Variants in KEAP1 observed in about 807,000 individuals in gnomAD.
KEAP1 encodes kelch like ECH associated protein 1, also known as kelch-like ECH-associated protein 1.
Under a neutral mutation model 59.7 loss-of-function variants are expected in KEAP1, and 26 were observed. The observed-to-expected ratio is 0.44, with a 90% CI of 0.32 to 0.60. The LOEUF is 0.60. Among genes scored for constraint, KEAP1 ranks in the 20% least tolerant of loss-of-function variants. KEAP1 has a pLI of 0.06. For missense variants in KEAP1, 539 were observed against 871.4 expected (o/e 0.62, Z 4.80); for synonymous variants, 350 against 358.3 (o/e 0.98, Z 0.26).
Position 10,499,680 on chromosome 19 carries a change from C to A in KEAP1, c.354G>T (p.Gln118His), listed in dbSNP as rs1321807596. Residue 118 changes from glutamine to histidine, a missense_variant, in exon 2 of 6, where the codon CAG becomes CAT. Physicochemically the swap from Gln to His is conservative, Grantham distance 24 (BLOSUM62 0). This residue lies in a region of KEAP1 where 166 missense variants were observed against 295.8 expected (regional missense o/e 0.56). Coordinates refer to ENST00000171111, the MANE Select transcript of KEAP1 (RefSeq NM_203500.2). This position sits in a 1 kb window ranked among gnomAD's most constrained non-coding sequence, Gnocchi z 6.7. ...KAMFTNGLRE[Q>H]GMEVVSIEGI... is the part of the protein sequence containing the mutation. ...CCTCAATGGACACCACCTCCATGCC[C>A]TGCTCCCGCAGCCCGTTGGTGAACA... The A allele has an allele frequency of 6.2e-7, 1 of 1,614,202 alleles. No individual in the cohort carries two copies. Among genetic ancestry groups the A allele is most frequent in the Non-Finnish European group, 8.5e-7 (1 of 1,180,040 alleles).
At position 10,491,437 on chromosome 19, in the gene KEAP1, G is replaced by A; in HGVS notation, c.1325+140C>T. The A allele has an allele frequency of 1.6e-6, 1 of 640,104 alleles. No individual in the cohort carries two copies. The highest frequency in any genetic ancestry group is 3.4e-5 in the South Asian group (1 of 29,308). 39.7% of individuals were successfully genotyped at this position (640,104 alleles called of 1,614,324 possible). A position where few individuals can be genotyped will look rare whatever the true frequency, so the allele number is the denominator to read the frequency against. On this transcript the variant is annotated intron_variant, in intron 3 of 5. Transcript: ENST00000171111. This position sits in a 1 kb window ranked among gnomAD's most constrained non-coding sequence, Gnocchi z 5.2. ...AGGTCACTGACTAGAACTCTCCAAGGAGCTTAGCTTCATCCTGAGGCCTCC... is the reference window on the plus strand; with the variant it reads ...AGGTCACTGACTAGAACTCTCCAAGAAGCTTAGCTTCATCCTGAGGCCTCC...
intron 5 of KEAP1, 62 bp from the exon 6 acceptor site, chr19:10,486,880 G>C (rs966547122): frequency 1.3e-6 from 2 of 1,532,984 alleles, no homozygotes; most frequent in Non-Finnish European, 1.8e-6. Context: ...GCAGGGGACA[G>C]AAAGAGAGAG....
chr19:10,496,778 G>A (rs1010215163), intron 2 of KEAP1, among the ~76,000 whole-genome samples: 26 of 151,886 alleles, frequency 1.7e-4, no homozygotes, highest in African/African-American at 6.3e-4. Context: ...CTTCAGCCTG[G>A]GCGATAGAGC....
chr19:10,489,458 C>T (rs1599481877), intron 4 of KEAP1, 90 bp from the exon 5 acceptor site: 1 of 1,356,856 alleles, frequency 7.4e-7, no homozygotes, highest in African/African-American at 1.4e-5. Flanking sequence ...TTTCCTCTCT[C>T]CTCTCCCTTC....
In KEAP1 at chr19:10,493,778, A is replaced by G. The variant is rs1015300676; in HGVS notation, c.640-1516T>C. Among the ~76,000 whole-genome samples the G allele has an allele frequency of 1.0e-3, 146 of 145,122 alleles. 2 individuals are homozygous for G. Among genetic ancestry groups the G allele is most frequent in the East Asian group, 1.1e-3 (5 of 4,692 alleles). On this transcript the variant is annotated intron_variant, in intron 2 of 5. Transcript: ENST00000171111. ...CGGGGTGACTGTGTTAGCCAGGATGATCTTGATCTCCTGACCTCGTGATCC... is the reference window on the plus strand; with the variant it reads ...CGGGGTGACTGTGTTAGCCAGGATGGTCTTGATCTCCTGACCTCGTGATCC...
chr19:10,496,266 C>T (rs112820134), intron 2 of KEAP1, among the ~76,000 whole-genome samples: 3,606 of 150,844 alleles, frequency 0.024, 153 homozygotes, highest in African/African-American at 0.083. Flanking sequence ...GATGCCAAGT[C>T]GGGCGGATCA....
intron 1 of KEAP1, 113 bp from the exon 2 acceptor site, chr19:10,500,193 G>T: frequency 4.0e-6 from 3 of 754,098 alleles, no homozygotes; most frequent in Non-Finnish European, 6.2e-6. Context: ...TGCAAAGTAG[G>T]TGAAGCAGAA....
In KEAP1 at chr19:10,492,611, G is replaced by A. The variant is rs574111159; in HGVS notation, c.640-349C>T. ...CACACGCCTCTAGTCCCAGCTACTC[G>A]GGAGGCTGAAGCAGAAGAATCGCTT... On this transcript the variant is annotated intron_variant, in intron 2 of 5. Transcript: ENST00000171111. 1.8e-4 allele frequency: 41 copies of A among 227,364 alleles called. No homozygotes were observed. In the South Asian group the frequency reaches 2.5e-3, roughly 14 times the overall value. 14.1% of individuals were successfully genotyped at this position (227,364 alleles called of 1,614,324 possible).
At chr19:10,489,626 C>A (rs2144589071) in intron 4 of KEAP1, 22 bp downstream of exon 4, 1 of 1,611,856 alleles carries the variant, frequency 6.2e-7, no homozygotes, top group Non-Finnish European at 8.5e-7. Flanking sequence ...TGGGTGCTCC[C>A]CTCCCTACCG....
In KEAP1 at chr19:10,500,002, C is replaced by G. The variant is rs956532438; in HGVS notation, c.32G>C (p.Gly11Ala). 1.3e-6 allele frequency: 2 copies of G among 1,571,196 alleles called. No individual in the cohort carries two copies. Among genetic ancestry groups the G allele is most frequent in the South Asian group, 1.2e-5 (1 of 85,802 alleles). ...CAGGGGCAGGAATCGGCAGCAGGCC[C>G]CAGCCCCGCTAGGCCTGGGATCTGG... MQPDPRPSGA[G>A]ACCRFLPLQS... is the part of the protein sequence containing the mutation. The change falls in exon 2 of 6, where the codon GGG (glycine) becomes GCG (alanine). Residue 11 changes from glycine to alanine, a missense_variant. By Grantham distance (60) the Gly-to-Ala change is moderately conservative. Around this residue, in one of 4 missense-constraint regions of KEAP1, gnomAD observed 166 missense variants for 295.8 expected, o/e 0.56. Transcript: ENST00000171111.
chr19:10,494,759 G>A (rs1259343975), intron 2 of KEAP1, among the ~76,000 whole-genome samples: 1 of 147,466 alleles, frequency 6.8e-6, no homozygotes, highest in Non-Finnish European at 1.5e-5. Flanking sequence ...AGGTTCATGC[G>A]ATTCTCCTGC....
rs1272089508 is a variant in KEAP1 at position 10,491,771 on chromosome 19, C to G, written c.1131G>C (p.Val377=). 1 of 1,575,294 alleles carries G rather than the reference C, an allele frequency of 6.3e-7. No individual in the cohort carries two copies. The highest frequency in any genetic ancestry group is 8.6e-7 in the Non-Finnish European group (1 of 1,160,280). The change falls in exon 3 of 6, where the codon GTG becomes GTC. Residue 377 remains valine (V), a synonymous_variant. Coordinates refer to ENST00000171111, the MANE Select transcript of KEAP1 (RefSeq NM_203500.2). This position sits in a 1 kb window ranked among gnomAD's most constrained non-coding sequence, Gnocchi z 5.2. ...GCVVGGLLYA[V]GGRNNSPDGN... is the part of the protein sequence containing the mutation. ...CGTCGGGCGAGTTGTTCCTGCCGCC[C>G]ACGGCGTACAACAGCCCGCCCACCA... is the stretch of plus-strand genomic sequence containing the variant.
rs894536477 is a variant in KEAP1, at chr19:10,489,917, G to A, written c.1326-64C>T. On this transcript the variant is annotated intron_variant, in intron 3 of 5. Coordinates refer to ENST00000171111, the MANE Select transcript of KEAP1 (RefSeq NM_203500.2). ...TAGCTGACCTTCGTGGAATACTTAA[G>A]GGCCAGATACTCTTTTTTTTCCTTT... The A allele has an allele frequency of 9.6e-6, 14 of 1,456,074 alleles. No individual in the cohort carries two copies. The African/African-American group carries it at 1.4e-4, about 15-fold the overall frequency. The allele number at this position is 1,456,074 out of a possible 1,614,324, so 90.2% of individuals were successfully genotyped here. A position where few individuals can be genotyped will look rare whatever the true frequency, so the allele number is the denominator to read the frequency against.
rs1464751688 is a variant in KEAP1, at chr19:10,489,824, A to C, written c.1355T>G (p.Leu452Trp). 1 of 1,614,048 alleles carries C rather than the reference A, an allele frequency of 6.2e-7. No individual in the cohort carries two copies. Among genetic ancestry groups the C allele is most frequent in the Non-Finnish European group, 8.5e-7 (1 of 1,179,980 alleles). Residue 452 changes from leucine to tryptophan, a missense_variant, in exon 4 of 6, where the codon TTG becomes TGG. Leu to Trp is a moderately conservative substitution (Grantham distance 61). Transcript: ENST00000171111. ...CCTTCGTGTCAGCATTGGGGCCACC[A>C]AGTGCCACTCATCCCGCTCTGGCTC... ...RYEPERDEWH[L>W]VAPMLTRRIG...
chr19:10,497,263 C>A (rs190782644), intron 2 of KEAP1, among the ~76,000 whole-genome samples: 3 of 152,204 alleles, frequency 2.0e-5, no homozygotes, highest in Admixed American at 2.0e-4. Flanking sequence ...AGCTGCAGGC[C>A]CTAGGACTAA....
At chr19:10,500,742 C>T (rs556563894) in intron 1 of KEAP1, among the ~76,000 whole-genome samples, 19 of 147,600 alleles carry the variant, frequency 1.3e-4, no homozygotes, top group Non-Finnish European at 2.4e-4. Context: ...TGCAATGGCT[C>T]GATCTTGGCT....
rs1332536168 is a variant in KEAP1 at position 10,503,187 on chromosome 19, G to A, written c.-48+54C>T. On this transcript the variant is annotated intron_variant, in intron 1 of 5. Transcript: ENST00000171111. This position sits in a 1 kb window ranked among gnomAD's most constrained non-coding sequence, Gnocchi z 4.3. ...GGCACAGTGATGCCACCCGCGCACT[G>A]CGCTTCCGGGAAGCCGGGGGACCGC... The A allele has an allele frequency of 6.6e-6, 1 of 152,360 alleles. No homozygotes were observed. The highest frequency in any genetic ancestry group is 1.5e-5 in the Non-Finnish European group (1 of 68,098). 9.4% of individuals were successfully genotyped at this position (152,360 alleles called of 1,614,324 possible). A position where few individuals can be genotyped will look rare whatever the true frequency, so the allele number is the denominator to read the frequency against.
rs970670762 is a variant in KEAP1 at position 10,499,768 on chromosome 19, G to A, written c.266C>T (p.Pro89Leu). The change falls in exon 2 of 6, where the codon CCG becomes CTG. Residue 89 changes from proline to leucine, a missense_variant. Transcript: ENST00000171111. The surrounding 1 kb of genome is among the most constrained non-coding windows in gnomAD (Gnocchi z 6.7). ...VTLQVKYQDA[P>L]AAQFMAHKVV... ...CTTGTGGGCCATGAACTGGGCGGCC[G>A]GTGCATCCTGGTACTTGACCTGCAG... The A allele has an allele frequency of 5.6e-6, 9 of 1,614,090 alleles. No homozygotes were observed. Among genetic ancestry groups the A allele is most frequent in the Non-Finnish European group, 6.8e-6 (8 of 1,180,026 alleles).
chr19:10,493,711 A>G (rs945348770), intron 2 of KEAP1, among the ~76,000 whole-genome samples: 4 of 150,710 alleles, frequency 2.7e-5, no homozygotes, highest in South Asian at 2.1e-4. Flanking sequence ...ACAGGGGCCC[A>G]CCACCGTGCC....
Sources: gnomAD v4.1 joint callset for allele counts (sites outside exome capture counted in the v4.1 genomes callset) on GRCh38, gnomAD v4.1.1 for gene constraint, gnomAD v4.1.1 regional missense constraint, Gnocchi (gnomAD v3.1) non-coding constraint, MANE v1.5 for transcripts, NCBI Gene and HGNC (gene_info 2026-07-23, HGNC 2026-07-21) for gene names.